The following RYR1 variants were observed in gnomAD, a reference collection of about 807,000 sequenced individuals.
RYR1 encodes central core disease of muscle.
A neutral mutation model predicts 583.5 loss-of-function variants in RYR1; 342 were observed. The observed-to-expected ratio is 0.59, with a 90% confidence interval of 0.54 to 0.64. The LOEUF is 0.64. Ranked by LOEUF, RYR1 falls within the 30% of genes least tolerant of loss-of-function variation. RYR1 has a pLI of 0.00. For missense variants in RYR1, 6,032 were observed against 6,917.2 expected, an observed-to-expected ratio of 0.87 and a Z score of 4.54; for synonymous variants, 2,791 against 2,822.5, an observed-to-expected ratio of 0.99 and a Z score of 0.35.
At chr19:38,531,193 C>G (rs1054150159) in intron 76 of RYR1, among the ~76,000 whole-genome samples, 1 of 151,892 alleles carries the variant, frequency 6.6e-6, no homozygotes, top group Non-Finnish European at 1.5e-5. Flanking sequence ...GCCAGAAATT[C>G]TGACATAAGG....
rs771599721 is a variant in RYR1, at chr19:38,565,785, C to T, written c.13437+14C>T. The T allele has an allele frequency of 9.5e-6, 13 of 1,375,002 alleles. No individual in the cohort carries two copies. The highest frequency in any genetic ancestry group is 1.5e-5 in the African/African-American group (1 of 65,156). The allele number at this position is 1,375,002 out of a possible 1,614,324, so 85.2% of individuals were successfully genotyped here. ...AGGAAATTGGGGGTGAGAGAGCAGG[C>T]GGGGTTTTGGGGTTTTGGAAAGATG... On this transcript the variant is annotated intron_variant, in intron 91 of 105. Coordinates refer to ENST00000359596, the MANE Select transcript of RYR1 (RefSeq NM_000540.3). This position sits in a 1 kb window ranked among gnomAD's most constrained non-coding sequence, Gnocchi z 4.7.
At chr19:38,491,655 C>A (rs1969557232) in intron 37 of RYR1, among the ~76,000 whole-genome samples, 1 of 152,052 alleles carries the variant, frequency 6.6e-6, no homozygotes, top group Non-Finnish European at 1.5e-5. Context: ...GTCTTGAACT[C>A]CTGGGCTCAA....
intron 1 of RYR1, among the ~76,000 whole-genome samples, chr19:38,434,685 G>A (rs1016687671): frequency 6.6e-6 from 1 of 152,134 alleles, no homozygotes; most frequent in African/African-American, 2.4e-5. Context: ...GCAGGGGATG[G>A]GGAGGGGATG....
rs1443878514 is a variant in RYR1, at chr19:38,451,837, C to T, written c.1196C>T (p.Ala399Val). 6.2e-7 allele frequency: 1 copy of T among 1,614,110 alleles called. No homozygotes were observed. The highest frequency in any genetic ancestry group is 8.5e-7 in the Non-Finnish European group (1 of 1,180,012). ...CGCTGCCAGCAGGAGGAGTCCCAGGCCGCCCGCATGATCCACAGCACCAAT... is the reference window on the plus strand; with the variant it reads ...CGCTGCCAGCAGGAGGAGTCCCAGGTCGCCCGCATGATCCACAGCACCAAT... ...LTRCQQEESQ[A>V]ARMIHSTNGL... The change falls in exon 12 of 106, where the codon GCC (alanine) becomes GTC (valine). Residue 399 changes from alanine (A) to valine (V), a missense_variant. By Grantham distance (64) the Ala-to-Val change is moderately conservative. This residue lies in a region of RYR1 where 338 missense variants were observed against 441.6 expected (regional missense o/e 0.77). Coordinates refer to ENST00000359596, the MANE Select transcript of RYR1 (RefSeq NM_000540.3).
At chr19:38,540,409 TCCAATCATATACTACAGTATAATAAAC>T (rs1198766872) in intron 84 of RYR1, among the ~76,000 whole-genome samples, 20 of 125,028 alleles carry the variant, frequency 1.6e-4, no homozygotes, top group African/African-American at 5.9e-4. Context: ...ATAATAAACC[TCCAATCATATACTACAGTATAATAAAC>T]CTCCAATCAT....
intron 70 of RYR1, 84 bp from the exon 71 acceptor site, chr19:38,525,248 C>T (rs1468065216): frequency 1.3e-6 from 2 of 1,532,988 alleles, no homozygotes; most frequent in Non-Finnish European, 1.8e-6. Context: ...CAGACTGGGG[C>T]CTGGGGTGTG....
rs749718772 is a variant in RYR1, at chr19:38,517,572, C to G, written c.9899C>G (p.Ala3300Gly). The G allele has an allele frequency of 1.2e-6, 2 of 1,613,420 alleles. No homozygotes were observed. The highest frequency in any genetic ancestry group is 3.3e-5 in the Admixed American group (2 of 60,006). ...CCCCCTTCCGCCCTGCCCGCCGGCG[C>G]CCCCCCACCCTGCACAGCTGTCACC... ...EAPPSALPAG[A>G]PPPCTAVTSD... The change falls in exon 66 of 106, where the codon GCC becomes GGC. Residue 3300 changes from alanine to glycine, a missense_variant. Physicochemically the swap from Ala to Gly is moderately conservative, Grantham distance 60 (BLOSUM62 0). This residue lies in a region of RYR1 where 1,493 missense variants were observed against 1,715.5 expected (regional missense o/e 0.87). Transcript: ENST00000359596.
At chr19:38,502,768 C>CAGGGGG in intron 48 of RYR1, 41 bp downstream of exon 48, 1 of 605,384 alleles carries the variant, frequency 1.7e-6, no homozygotes, top group Non-Finnish European at 2.5e-6. Flanking sequence ...GGGGCAGGGG[C>CAGGGGG]AGGGGCAGGG....
intron 18 of RYR1, among the ~76,000 whole-genome samples, 186 bp from the exon 19 acceptor site, chr19:38,458,960 A>G (rs1226116887): frequency 6.6e-6 from 1 of 152,172 alleles, no homozygotes; most frequent in African/African-American, 2.4e-5. Context: ...TCAGAATCCT[A>G]ACTTCAGGGG....
intron 47 of RYR1, 100 bp from the exon 48 acceptor site, chr19:38,502,407 C>G: frequency 8.8e-7 from 1 of 1,135,302 alleles, no homozygotes; most frequent in South Asian, 1.3e-5. Flanking sequence ...TTGGGGGAGT[C>G]ATCAGAAGCT....
At chr19:38,443,509 G>T in intron 3 of RYR1, 49 bp from the exon 4 acceptor site, 1 of 1,553,256 alleles carries the variant, frequency 6.4e-7, no homozygotes, top group Admixed American at 1.8e-5. Context: ...TTGGGGATCT[G>T]GAGAGTCCGG....
chr19:38,502,112 G>A (rs1368242296), intron 47 of RYR1, among the ~76,000 whole-genome samples: 1 of 151,138 alleles, frequency 6.6e-6, no homozygotes, highest in Non-Finnish European at 1.5e-5. Flanking sequence ...AGCTATGATT[G>A]CACCACTGCA....
chr19:38,561,233 G>C lies in RYR1; in HGVS notation c.12403G>C (p.Ala4135Pro), dbSNP rs1973121413. ...EEFANRFQEP[A>P]RDIGFNVAVL... ...GTTCGCCAACCGCTTCCAGGAGCCA[G>C]CACGCGACATCGGCTTCAACGTGGC... The change falls in exon 90 of 106, where the codon GCA becomes CCA. Residue 4135 changes from alanine (A) to proline (P), a missense_variant. Physicochemically the swap from Ala to Pro is conservative, Grantham distance 27. Transcript: ENST00000359596. This position sits in a 1 kb window ranked among gnomAD's most constrained non-coding sequence, Gnocchi z 4.8. 6.2e-7 allele frequency: 1 copy of C among 1,613,964 alleles called. No individual in the cohort carries two copies.
At chr19:38,564,335 C>G (rs1384144898) in intron 90 of RYR1, among the ~76,000 whole-genome samples, 1 of 152,100 alleles carries the variant, frequency 6.6e-6, no homozygotes, top group African/African-American at 2.4e-5. Flanking sequence ...ATCAGCCTGG[C>G]CAACATGGCA....
Position 38,444,015 on chromosome 19 carries a change from G to A in RYR1, c.425-134G>A. ...GAAGTCAGGAACGGGGAACTGTTAGGCAGAGAGTTGGTGGCAGTGATAGGA... is the reference window on the plus strand; with the variant it reads ...GAAGTCAGGAACGGGGAACTGTTAGACAGAGAGTTGGTGGCAGTGATAGGA... On this transcript the variant is annotated intron_variant, in intron 5 of 105. Coordinates refer to ENST00000359596, the MANE Select transcript of RYR1 (RefSeq NM_000540.3). The surrounding 1 kb of genome is among the most constrained non-coding windows in gnomAD (Gnocchi z 5.1). 5 of 851,266 alleles carry A rather than the reference G, an allele frequency of 5.9e-6. No individual in the cohort carries two copies. The highest frequency in any genetic ancestry group is 5.6e-5 in the South Asian group (4 of 72,000). The allele number at this position is 851,266 out of a possible 1,614,324, so 52.7% of individuals were successfully genotyped here.
chr19:38,584,712 C>T (rs1230571980), intron 101 of RYR1, among the ~76,000 whole-genome samples: 87 of 129,432 alleles, frequency 6.7e-4, no homozygotes, highest in African/African-American at 8.2e-4. Flanking sequence ...CCTCTGCCTG[C>T]GCCCCACACC....
intron 95 of RYR1, among the ~76,000 whole-genome samples, chr19:38,572,809 G>A (rs1302870884): frequency 3.1e-5 from 4 of 127,834 alleles, no homozygotes; most frequent in Admixed American, 2.5e-4. Context: ...CTACATCCCA[G>A]CCCTGACACC....
chr19:38,494,687 T>C, intron 39 of RYR1, 62 bp downstream of exon 39: 1 of 1,596,452 alleles, frequency 6.3e-7, no homozygotes, highest in South Asian at 1.1e-5. Flanking sequence ...ACCCTCAGGA[T>C]ACAATAACAT....
rs772803714 is a variant in RYR1 at position 38,496,541 on chromosome 19, G to T, written c.6796G>T (p.Gly2266Cys). 1 of 1,613,262 alleles carries T rather than the reference G, an allele frequency of 6.2e-7. No individual in the cohort carries two copies. Among genetic ancestry groups the T allele is most frequent in the Admixed American group, 1.7e-5 (1 of 60,030 alleles). The change falls in exon 41 of 106, where the codon GGC becomes TGC. Residue 2266 changes from glycine (G) to cysteine (C), a missense_variant and splice_region_variant. Gly to Cys is a radical substitution (Grantham distance 159, BLOSUM62 -3). This residue lies in a region of RYR1 where 2,627 missense variants were observed against 2,961.3 expected (regional missense o/e 0.89). Transcript: ENST00000359596. The surrounding 1 kb of genome is among the most constrained non-coding windows in gnomAD (Gnocchi z 4.8). The stretch of plus-strand genomic sequence containing the variant: ...GCTGGAGAACAGTGGCATCGGCCTG[G>T]GTGAGAACCCCCGAGCCCAGGGGCT... ...YLLENSGIGL[G>C]MQGSTPLDVA...
Sources: gnomAD v4.1 joint callset for allele counts (sites outside exome capture counted in the v4.1 genomes callset) on GRCh38, gnomAD v4.1.1 for gene constraint, gnomAD v4.1.1 regional missense constraint, Gnocchi (gnomAD v3.1) non-coding constraint, MANE v1.5 for transcripts, NCBI Gene and HGNC (gene_info 2026-07-23, HGNC 2026-07-21) for gene names.